TYW3: variants seen among roughly 807,000 people sequenced by gnomAD.
TYW3 encodes the protein tRNA wybutosine-synthesizing protein 3 homolog.
A neutral mutation model predicts 23.1 loss-of-function variants in TYW3; 26 were observed. The observed-to-expected ratio is 1.13, with a 90% CI of 0.83 to 1.56. The LOEUF (loss-of-function observed/expected upper bound fraction) is 1.56, where lower values mean the gene tolerates loss of function less well. Among genes scored for constraint, TYW3 ranks in the 40% most tolerant of loss-of-function variants. TYW3 has a pLI of 0.00. For missense variants in TYW3, 316 were observed against 311.9 expected (o/e 1.01, Z -0.10); for synonymous variants, 102 against 105.7 (o/e 0.97, Z 0.21).
intron 2 of TYW3, among the ~76,000 whole-genome samples, chr1:74,737,038 A>G (rs1024037155): frequency 1.3e-5 from 2 of 152,226 alleles, no homozygotes; most frequent in Non-Finnish European, 2.9e-5. Flanking sequence ...GAAAATCTTC[A>G]TATCTCTGCT....
At chr1:74,741,586 C>T (rs1648364532) in intron 3 of TYW3, among the ~76,000 whole-genome samples, 1 of 152,220 alleles carries the variant, frequency 6.6e-6, no homozygotes, top group East Asian at 1.9e-4. Context: ...GTTGAAACAA[C>T]TCTGTTCCCT....
intron 5 of TYW3, among the ~76,000 whole-genome samples, chr1:74,753,929 G>A (rs893327093): frequency 2.0e-5 from 3 of 152,102 alleles, no homozygotes; most frequent in Non-Finnish European, 4.4e-5. Context: ...GATGTCTTAG[G>A]GTACTAGAGC....
chr1:74,734,777 A>T (rs746635933), intron 1 of TYW3, among the ~76,000 whole-genome samples: 5 of 152,182 alleles, frequency 3.3e-5, no homozygotes, highest in Non-Finnish European at 7.3e-5. Context: ...TATCTGCTTT[A>T]TAGGGATTTT....
intron 5 of TYW3, among the ~76,000 whole-genome samples, chr1:74,758,306 C>T (rs996088034): frequency 6.6e-6 from 1 of 152,224 alleles, no homozygotes; most frequent in Non-Finnish European, 1.5e-5. Context: ...ATCCAATAAC[C>T]ATTTGAACAT....
intron 2 of TYW3, among the ~76,000 whole-genome samples, chr1:74,737,837 C>T (rs1648203185): frequency 6.6e-6 from 1 of 152,028 alleles, no homozygotes. Context: ...TTGCTTATAG[C>T]AGGAGGGAAG....
intron 3 of TYW3, among the ~76,000 whole-genome samples, chr1:74,747,799 A>G (rs1648628375): frequency 1.4e-5 from 2 of 143,796 alleles, no homozygotes; most frequent in Non-Finnish European, 1.6e-5. Context: ...ATGTGTACAT[A>G]TATATGTGTA....
intron 5 of TYW3, among the ~76,000 whole-genome samples, chr1:74,757,262 G>T (rs1342287467): frequency 6.6e-6 from 1 of 151,954 alleles, no homozygotes; most frequent in Admixed American, 6.6e-5. Context: ...TAGATCCACC[G>T]ACAGCTTGTA....
intron 3 of TYW3, 47 bp from the exon 4 acceptor site, chr1:74,748,704 C>T (rs759739352): frequency 1.3e-6 from 2 of 1,559,442 alleles, no homozygotes; most frequent in Non-Finnish European, 1.8e-6. Flanking sequence ...AACAGATGAT[C>T]TGGTTACCCA....
rs1049101484 is a variant in TYW3, at chr1:74,748,684, T to C, written c.355-67T>C. The C allele has an allele frequency of 8.0e-6, 12 of 1,500,256 alleles. No homozygotes were observed. In the African/African-American group the frequency reaches 1.5e-4, roughly 19 times the overall value. 92.9% of individuals were successfully genotyped at this position (1,500,256 alleles called of 1,614,324 possible). ...TAGGGTTATATATGTTTCTGTAGTT[T>C]GTGGAGCCAAACAGATGATCTGGTT... is the stretch of plus-strand genomic sequence containing the variant. On this transcript the variant is annotated intron_variant, in intron 3 of 5. Coordinates refer to ENST00000370867, the MANE Select transcript of TYW3 (RefSeq NM_138467.3).
intron 5 of TYW3, among the ~76,000 whole-genome samples, chr1:74,754,064 A>G (rs1648873872): frequency 1.3e-5 from 2 of 152,202 alleles, no homozygotes; most frequent in Non-Finnish European, 2.9e-5. Context: ...CCACCAGACT[A>G]CAGACTACTA....
rs1232017862 is a variant in TYW3, at chr1:74,764,872, T to C, written c.*759T>C. 1 of 152,140 alleles carries C rather than the reference T, an allele frequency of 6.6e-6. No individual in the cohort carries two copies. Among genetic ancestry groups the C allele is most frequent in the African/African-American group, 2.4e-5 (1 of 41,440 alleles). The allele number at this position is 152,140 out of a possible 1,614,324, so 9.4% of individuals were successfully genotyped here. A position where few individuals can be genotyped will look rare whatever the true frequency, so the allele number is the denominator to read the frequency against. ...ATATGAGGCATCAAAAAGCATGGTA[T>C]AGTCAGTGATGGGGAATAGTCCAGA... On this transcript the variant is annotated 3_prime_UTR_variant, in exon 6 of 6. Coordinates refer to ENST00000370867, the MANE Select transcript of TYW3 (RefSeq NM_138467.3).
intron 3 of TYW3, among the ~76,000 whole-genome samples, chr1:74,742,056 T>C (rs1372509521): frequency 1.3e-5 from 2 of 152,228 alleles, no homozygotes; most frequent in Admixed American, 6.5e-5. Context: ...CTGAGCCTTC[T>C]CTGTCTTGCA....
At chr1:74,733,863 A>G (rs545804704) in intron 1 of TYW3, among the ~76,000 whole-genome samples, 1 of 152,328 alleles carries the variant, frequency 6.6e-6, no homozygotes, top group South Asian at 2.1e-4. Context: ...GCATGCTTGA[A>G]CATCACCAGT....
At chr1:74,757,125 G>T (rs1468012789) in intron 5 of TYW3, among the ~76,000 whole-genome samples, 1 of 152,252 alleles carries the variant, frequency 6.6e-6, no homozygotes, top group Non-Finnish European at 1.5e-5. Context: ...GGGCCCTCAT[G>T]GAGAACCTCT....
Position 74,748,827 on chromosome 1 carries a change from G to T in TYW3, c.426+5G>T. On this transcript the variant is annotated splice_donor_5th_base_variant and intron_variant, in intron 4 of 5. Transcript: ENST00000370867. Reference sequence around the variant, plus strand: ...AAGAGAGGAAAAACTATGTTGGTAAGATATTTTGTCAAAGAGTAATTTTTT... The same window carrying T: ...AAGAGAGGAAAAACTATGTTGGTAATATATTTTGTCAAAGAGTAATTTTTT... 1.2e-6 allele frequency: 2 copies of T among 1,613,588 alleles called. No homozygotes were observed. Among genetic ancestry groups the T allele is most frequent in the African/African-American group, 1.3e-5 (1 of 75,020 alleles).
At chr1:74,758,043 G>A (rs1263934954) in intron 5 of TYW3, among the ~76,000 whole-genome samples, 1 of 152,200 alleles carries the variant, frequency 6.6e-6, no homozygotes, top group African/African-American at 2.4e-5. Flanking sequence ...CAATATGTAA[G>A]CCATAAATAG....
chr1:74,736,130 A>C (rs1388349409), intron 1 of TYW3: 3 of 152,702 alleles, frequency 2.0e-5, no homozygotes, highest in Non-Finnish European at 4.4e-5. Context: ...GTGACAATAA[A>C]GGGTAGTAGG....
chr1:74,749,242 T>G (rs1034889784), intron 4 of TYW3, among the ~76,000 whole-genome samples: 8 of 152,212 alleles, frequency 5.3e-5, no homozygotes, highest in Non-Finnish European at 1.5e-5. Context: ...AGCTAACTAC[T>G]GTCGTAGGGC....
At chr1:74,752,079 T>C (rs917969870) in intron 4 of TYW3, among the ~76,000 whole-genome samples, 1 of 152,254 alleles carries the variant, frequency 6.6e-6, no homozygotes, top group African/African-American at 2.4e-5. Context: ...GTACAGAATA[T>C]CTTTCTTTAG....
Sources: gnomAD v4.1 joint callset for allele counts (sites outside exome capture counted in the v4.1 genomes callset) on GRCh38, gnomAD v4.1.1 for gene constraint, MANE v1.5 for transcripts, NCBI Gene and HGNC (gene_info 2026-07-23, HGNC 2026-07-21) for gene names.